Variants in RNF24 observed in about 807,000 individuals in gnomAD.
RNF24 encodes the protein ring finger protein 24.
A neutral mutation model predicts 20.0 loss-of-function variants in RNF24; 14 were observed. The ratio of observed to expected loss-of-function variants is 0.70; its 90% CI spans 0.46 to 1.10. The LOEUF (loss-of-function observed/expected upper bound fraction) is 1.10, where lower values mean the gene tolerates loss of function less well. Among genes scored for constraint, RNF24 ranks in the 50% least tolerant of loss-of-function variants. The pLI, the probability that RNF24 is intolerant of heterozygous loss-of-function variation, is 0.00. For synonymous variants in RNF24, 45 were observed against 61.1 expected, an observed-to-expected ratio of 0.74 and a Z score of 1.23; for missense variants, 124 against 177.6, an observed-to-expected ratio of 0.70 and a Z score of 1.71.
chr20:3,986,689 C>A (rs1172532375), intron 1 of RNF24, among the ~76,000 whole-genome samples: 2 of 151,276 alleles, frequency 1.3e-5, no homozygotes, highest in East Asian at 3.9e-4. Flanking sequence ...ACTTTGTCAC[C>A]CAGGCTAGAG....
chr20:3,936,771 G>A (rs1031759864), intron 4 of RNF24, among the ~76,000 whole-genome samples: 3 of 152,240 alleles, frequency 2.0e-5, no homozygotes, highest in Non-Finnish European at 4.4e-5. Context: ...GGTTGGATGA[G>A]TTGCTTATTT....
chr20:3,966,251 T>C (rs1225901443), intron 1 of RNF24, among the ~76,000 whole-genome samples: 1 of 152,112 alleles, frequency 6.6e-6, no homozygotes, highest in African/African-American at 2.4e-5. Context: ...ACGGAGAGGT[T>C]TGCAGTCAGC....
intron 4 of RNF24, among the ~76,000 whole-genome samples, chr20:3,941,121 C>T (rs915123004): frequency 3.3e-5 from 5 of 152,122 alleles, no homozygotes; most frequent in Admixed American, 3.3e-4. Context: ...GTCGACCTCC[C>T]AGGCTTGGGT....
chr20:4,006,329 A>G (rs1242265501), intron 1 of RNF24, among the ~76,000 whole-genome samples: 1 of 151,844 alleles, frequency 6.6e-6, no homozygotes, highest in Non-Finnish European at 1.5e-5. Context: ...AAAGAGCACC[A>G]CTGCACTCCA....
rs555591435 is a variant in RNF24 at position 3,927,711 on chromosome 20, G to A, written c.*6352C>T. Reference sequence around the variant, plus strand: ...TAACACTTGCCACACCTGCTCCCCCGACCGGGGGCCTGGGAGGGAAGGGCA... The same window carrying A: ...TAACACTTGCCACACCTGCTCCCCCAACCGGGGGCCTGGGAGGGAAGGGCA... On this transcript the variant is annotated 3_prime_UTR_variant, in exon 6 of 6. Coordinates refer to ENST00000358395, the MANE Select transcript of RNF24 (RefSeq NM_001134337.3). 4 of 152,262 alleles carry A rather than the reference G, an allele frequency of 2.6e-5. No individual in the cohort carries two copies. Among genetic ancestry groups the A allele is most frequent in the Non-Finnish European group, 5.9e-5 (4 of 68,084 alleles). The allele number at this position is 152,262 out of a possible 1,614,324, so 9.4% of individuals were successfully genotyped here.
chr20:3,991,276 G>C (rs1210683918), intron 1 of RNF24, among the ~76,000 whole-genome samples: 2 of 139,820 alleles, frequency 1.4e-5, no homozygotes, highest in African/African-American at 2.7e-5. Context: ...TTTTGAGATG[G>C]AGTCTCGCTC....
chr20:4,012,962 G>A (rs2122177392), intron 1 of RNF24, among the ~76,000 whole-genome samples: 1 of 151,172 alleles, frequency 6.6e-6, no homozygotes, highest in Non-Finnish European at 1.5e-5. Context: ...GTTTATAAAT[G>A]TACTGGGTTA....
chr20:3,965,267 T>C (rs886360973), intron 1 of RNF24, among the ~76,000 whole-genome samples: 1 of 152,226 alleles, frequency 6.6e-6, no homozygotes, highest in Non-Finnish European at 1.5e-5. Flanking sequence ...TATTTATGCA[T>C]GGTAAATTAA....
At position 3,933,938 on chromosome 20, in the gene RNF24, C is replaced by T; in HGVS notation, c.*125G>A. The T allele has an allele frequency of 6.8e-6, 7 of 1,024,222 alleles. No individual in the cohort carries two copies. Among genetic ancestry groups the T allele is most frequent in the Non-Finnish European group, 9.2e-6 (7 of 758,690 alleles). 63.4% of individuals were successfully genotyped at this position (1,024,222 alleles called of 1,614,324 possible). A position where few individuals can be genotyped will look rare whatever the true frequency, so the allele number is the denominator to read the frequency against. ...TCCCAGTTTGGCTGGCCCAAGAGTT[C>T]TTCATGAGGCAAAAGAAGTGGCAGC... On this transcript the variant is annotated 3_prime_UTR_variant, in exon 6 of 6. Coordinates refer to ENST00000358395, the MANE Select transcript of RNF24 (RefSeq NM_001134337.3).
In RNF24 at chr20:3,935,072, A is replaced by G. The variant is rs1270855911; in HGVS notation, c.230T>C (p.Leu77Pro). Residue 77 changes from leucine (L) to proline (P), a missense_variant and splice_region_variant, in exon 5 of 6, where the codon CTC (leucine) becomes CCC (proline). Coordinates refer to ENST00000358395, the MANE Select transcript of RNF24 (RefSeq NM_001134337.3). The stretch of plus-strand genomic sequence containing the variant: ...GAAGTCTTCTAGGCACACTGCACAG[A>G]GCTGAAAGACAAATGCACAAATGAA... ...EKVKELNLHELCAVCLEDFKP... is the reference protein window; with the variant it reads ...EKVKELNLHEPCAVCLEDFKP... 6.2e-7 allele frequency: 1 copy of G among 1,613,908 alleles called. No homozygotes were observed. Among genetic ancestry groups the G allele is most frequent in the Non-Finnish European group, 8.5e-7 (1 of 1,179,802 alleles).
intron 1 of RNF24, among the ~76,000 whole-genome samples, chr20:4,010,295 C>T (rs1171062559): frequency 1.3e-5 from 2 of 152,142 alleles, no homozygotes; most frequent in Non-Finnish European, 2.9e-5. Context: ...ATTGCTTGAA[C>T]CCGGGAAGCA....
chr20:3,967,973 CA>C (rs58984163), intron 1 of RNF24, among the ~76,000 whole-genome samples: 58,420 of 77,992 alleles, frequency 0.75, 20,940 homozygotes, highest in Middle Eastern at 0.81. Context: ...AGCCTGGCAA[CA>C]AAAAAAAAAA....
At chr20:4,012,879 TTATCTA>T (rs1891334063) in intron 1 of RNF24, among the ~76,000 whole-genome samples, 1 of 152,242 alleles carries the variant, frequency 6.6e-6, no homozygotes, top group South Asian at 2.1e-4. Context: ...GCTACTCTGT[TTATCTA>T]AGACTTCCCC....
chr20:3,939,044 T>C (rs1297218167), intron 4 of RNF24, among the ~76,000 whole-genome samples: 3 of 152,094 alleles, frequency 2.0e-5, no homozygotes, highest in Non-Finnish European at 4.4e-5. Context: ...TGAGCCTCCA[T>C]GGCTGGCCTG....
intron 2 of RNF24, among the ~76,000 whole-genome samples, chr20:3,962,925 T>C (rs1402280528): frequency 1.3e-5 from 2 of 152,022 alleles, no homozygotes; most frequent in African/African-American, 4.8e-5. Flanking sequence ...GGTCTCGAAC[T>C]CCCGACCTCA....
At position 3,964,021 on chromosome 20, in the gene RNF24, T is replaced by C. The variant is rs771111282; in HGVS notation, c.-4A>G. The C allele has an allele frequency of 1.7e-5, 27 of 1,611,914 alleles. No homozygotes were observed. Among genetic ancestry groups the C allele is most frequent in the Non-Finnish European group, 2.0e-5 (23 of 1,179,338 alleles). On this transcript the variant is annotated 5_prime_UTR_variant, in exon 2 of 6. Coordinates refer to ENST00000358395, the MANE Select transcript of RNF24 (RefSeq NM_001134337.3). ...AATGTGGGAAATCCGAGCTCATGGA[T>C]GAACTGTGGGGGAAGAAAAGAATGG...
intron 1 of RNF24, chr20:4,015,145 C>T: frequency 6.6e-6 from 1 of 152,498 alleles, no homozygotes; most frequent in East Asian, 1.9e-4. Flanking sequence ...GCCCACGCAC[C>T]TTCCCTCCGT....
chr20:3,985,757 T>G (rs1979838662), intron 1 of RNF24, among the ~76,000 whole-genome samples: 1 of 148,180 alleles, frequency 6.7e-6, no homozygotes, highest in Non-Finnish European at 1.5e-5. Context: ...CAGGCTGGAG[T>G]GCAATGGCAC....
chr20:3,982,254 CT>C, intron 1 of RNF24, among the ~76,000 whole-genome samples: 1 of 152,132 alleles, frequency 6.6e-6, no homozygotes, highest in African/African-American at 2.4e-5. Flanking sequence ...CCAAACTCCT[CT>C]TGAAACCTAA....
Sources: allele counts gnomAD v4.1 joint callset (sites outside exome capture counted in the v4.1 genomes callset), GRCh38; gene constraint gnomAD v4.1.1; transcripts MANE v1.5; gene names NCBI Gene and HGNC (gene_info 2026-07-23, HGNC 2026-07-21).